Variants in SORL1-AS1 observed in about 807,000 individuals in gnomAD.
The protein encoded by SORL1-AS1 is SORL1 antisense RNA 1, also known as lncRNA 51 A.
chr11:121,441,530 C>CAAAAAAAAAAAAA, the SORL1-AS1 span, among the ~76,000 whole-genome samples: 21 of 52,336 alleles, frequency 4.0e-4, no homozygotes, highest in African/African-American at 8.2e-4. Context: ...GACTCTGTCT[C>CAAAAAAAAAAAAA]AAAAAAAAAA....
At chr11:121,442,054 G>A in the SORL1-AS1 span, among the ~76,000 whole-genome samples, 1 of 152,150 alleles carries the variant, frequency 6.6e-6, no homozygotes, top group Non-Finnish European at 1.5e-5. Context: ...CCAAGTTGGA[G>A]CATGTAAGCT....
the SORL1-AS1 span, among the ~76,000 whole-genome samples, chr11:121,438,654 T>A: frequency 1.3e-5 from 2 of 152,188 alleles, no homozygotes; most frequent in African/African-American, 2.4e-5. Context: ...TGGGGCAATA[T>A]CTCACAGTAT....
exon 2 of SORL1-AS1, chr11:121,447,554 C>T (rs867514147): frequency 7.9e-5 from 12 of 151,998 alleles, no homozygotes; most frequent in African/African-American, 2.7e-4. Context: ...TTCAAACGAT[C>T]CTCCCGCCTT....
the SORL1-AS1 span, among the ~76,000 whole-genome samples, chr11:121,440,136 G>A: frequency 2.0e-5 from 3 of 152,332 alleles, no homozygotes; most frequent in East Asian, 5.8e-4. Flanking sequence ...ACTTTGGGAG[G>A]CCAAGGCAGG....
chr11:121,445,095 A>T (rs150744745), downstream of SORL1-AS1, among the ~76,000 whole-genome samples: 1,352 of 152,326 alleles, frequency 8.9e-3, 11 homozygotes, highest in Middle Eastern at 0.02. Flanking sequence ...GAGAAAATGT[A>T]TTATTTTATG....
downstream of SORL1-AS1, among the ~76,000 whole-genome samples, chr11:121,442,645 A>T (rs1399409804): frequency 1.2e-4 from 9 of 72,162 alleles, no homozygotes; most frequent in East Asian, 5.1e-4. Flanking sequence ...TCTCTCTTTT[A>T]TTTATTTATT....
downstream of SORL1-AS1, among the ~76,000 whole-genome samples, chr11:121,442,639 T>A (rs910018643): frequency 1.4e-5 from 2 of 145,436 alleles, no homozygotes; most frequent in Non-Finnish European, 3.0e-5. Flanking sequence ...TGTCTCTCTC[T>A]CTTTTATTTA....
At chr11:121,446,758 A>C (rs543942916), downstream of SORL1-AS1, among the ~76,000 whole-genome samples, 148 of 151,980 alleles carry the variant, frequency 9.7e-4, no homozygotes, top group Non-Finnish European at 3.4e-4. Flanking sequence ...AGAGAAGAAA[A>C]AAAAAAAAAA....
At position 121,452,369 on chromosome 11, in the gene SORL1-AS1, C is replaced by T. The variant is rs1032527926; in HGVS notation, n.339+306G>A. ...AGCAGCAGGAGGGAGTCGCGACTCC[C>T]GTTCCTATTCACCCTGGTCGCACTG... is the stretch of plus-strand genomic sequence containing the variant. On this transcript the variant is annotated intron_variant and non_coding_transcript_variant, in intron 1 of 1. Coordinates refer to ENST00000501964, the Ensembl canonical transcript of SORL1-AS1. This position sits in a 1 kb window ranked among gnomAD's most constrained non-coding sequence, Gnocchi z 5.3. 2 of 1,554,112 alleles carry T rather than the reference C, an allele frequency of 1.3e-6. No homozygotes were observed. The highest frequency in any genetic ancestry group is 1.7e-6 in the Non-Finnish European group (2 of 1,154,710).
chr11:121,452,443 G>A lies in SORL1-AS1; in HGVS notation n.339+232C>T, dbSNP rs748784949. On this transcript the variant is annotated intron_variant and non_coding_transcript_variant, in intron 1 of 1. Transcript: ENST00000501964. This position sits in a 1 kb window ranked among gnomAD's most constrained non-coding sequence, Gnocchi z 5.3. ...AGTCTGGACGCAGAGGCTGCACGGC[G>A]GCAGCGCGCCCTTGCCCCAGGACCG... The A allele has an allele frequency of 6.7e-7, 1 of 1,498,988 alleles. No individual in the cohort carries two copies. Among genetic ancestry groups the A allele is most frequent in the Admixed American group, 2.2e-5 (1 of 46,100 alleles). The allele number at this position is 1,498,988 out of a possible 1,614,324, so 92.9% of individuals were successfully genotyped here.
the SORL1-AS1 span, among the ~76,000 whole-genome samples, chr11:121,441,530 C>CAAA: frequency 9.0e-4 from 47 of 52,322 alleles, no homozygotes; most frequent in South Asian, 6.6e-3. Flanking sequence ...GACTCTGTCT[C>CAAA]AAAAAAAAAA....
At chr11:121,441,818 G>A in the SORL1-AS1 span, among the ~76,000 whole-genome samples, 2 of 152,174 alleles carry the variant, frequency 1.3e-5, no homozygotes, top group African/African-American at 4.8e-5. Flanking sequence ...GCTAATGTGT[G>A]GGAGAAACAC....
chr11:121,445,455 C>T (rs190841948), downstream of SORL1-AS1, among the ~76,000 whole-genome samples: 404 of 152,314 alleles, frequency 2.7e-3, 2 homozygotes, highest in African/African-American at 9.5e-3. Context: ...GGGCGCTCCA[C>T]CCCAGCTTCT....
chr11:121,450,139 T>C lies in SORL1-AS1; in HGVS notation n.340-240A>G, dbSNP rs977063052. ...TTCAAATCCACACTTAGGAGACTCC[T>C]GTCTCTGTTTTCTGCTGGGACTCTG... is the stretch of plus-strand genomic sequence containing the variant. On this transcript the variant is annotated intron_variant and non_coding_transcript_variant, in intron 1 of 1. Transcript: ENST00000501964. This position sits in a 1 kb window ranked among gnomAD's most constrained non-coding sequence, Gnocchi z 5.2. Among the ~76,000 whole-genome samples, 31 of 152,346 alleles carry C rather than the reference T, an allele frequency of 2.0e-4. No homozygotes were observed. The highest frequency in any genetic ancestry group is 1.2e-4 in the Non-Finnish European group (8 of 68,026).
At chr11:121,445,068 T>C (rs1274168840), downstream of SORL1-AS1, among the ~76,000 whole-genome samples, 3 of 152,334 alleles carry the variant, frequency 2.0e-5, no homozygotes, top group Non-Finnish European at 4.4e-5. Flanking sequence ...GAGGATTTAA[T>C]GTAATTTAAG....
chr11:121,447,070 G>T (rs1468858350), downstream of SORL1-AS1, among the ~76,000 whole-genome samples: 1 of 152,164 alleles, frequency 6.6e-6, no homozygotes, highest in Non-Finnish European at 1.5e-5. Context: ...CCAGGAGGGG[G>T]AGTCCTACTC....
downstream of SORL1-AS1, among the ~76,000 whole-genome samples, chr11:121,443,299 C>A (rs1860685529): frequency 6.6e-6 from 1 of 152,130 alleles, no homozygotes; most frequent in African/African-American, 2.4e-5. Context: ...GGCATGAATT[C>A]CCGATTAGGA....
chr11:121,442,641 TTTTATTTATTTATTTA>T (rs369945985), downstream of SORL1-AS1, among the ~76,000 whole-genome samples: 108 of 127,590 alleles, frequency 8.5e-4, 1 homozygote, highest in Middle Eastern at 7.5e-3. Flanking sequence ...TCTCTCTCTC[TTTTATTTATTTATTTA>T]TTTATTTATT....
At chr11:121,441,969 G>A in the SORL1-AS1 span, among the ~76,000 whole-genome samples, 1 of 152,132 alleles carries the variant, frequency 6.6e-6, no homozygotes, top group East Asian at 1.9e-4. Context: ...GGAGCACTTA[G>A]TAATATATTG....
Sources: allele counts gnomAD v4.1 joint callset (sites outside exome capture counted in the v4.1 genomes callset), GRCh38; gene constraint gnomAD v4.1.1; non-coding constraint Gnocchi (gnomAD v3.1); transcripts MANE v1.5; gene names NCBI Gene and HGNC (gene_info 2026-07-23, HGNC 2026-07-21).